Variants in MAP4K2 observed in about 807,000 individuals in gnomAD.
The protein encoded by MAP4K2 is mitogen-activated protein kinase kinase kinase kinase 2.
MAP4K2 carries 85 observed loss-of-function variants against 125.3 expected under a neutral mutation model. The observed-to-expected ratio is 0.68, with a 90% CI of 0.57 to 0.81. The LOEUF (loss-of-function observed/expected upper bound fraction) is 0.81. Among genes scored for constraint, MAP4K2 ranks in the 40% least tolerant of loss-of-function variants. The probability of loss-of-function intolerance (pLI) is 0.00; values close to 1 mark genes in which losing one functional copy is unlikely to be tolerated. For missense variants in MAP4K2, 923 were observed against 1,056.4 expected (o/e 0.87, Z 1.75); for synonymous variants, 479 against 445.1 (o/e 1.08, Z -0.96).
chr11:64,786,726 T>C lies in MAP4K2; in HGVS notation c.*2811A>G, dbSNP rs1280920934. Reference sequence around the variant, plus strand: ...CATTAATGCTGCTTCCAGGAACTTATCTTCTAGAAGTGCTTGAATATGTAC... The same window carrying C: ...CATTAATGCTGCTTCCAGGAACTTACCTTCTAGAAGTGCTTGAATATGTAC... On this transcript the variant is annotated 3_prime_UTR_variant, in exon 32 of 32. Coordinates refer to ENST00000294066, the MANE Select transcript of MAP4K2 (RefSeq NM_004579.5). 1 of 152,194 alleles carries C rather than the reference T, an allele frequency of 6.6e-6. No individual in the cohort carries two copies. The highest frequency in any genetic ancestry group is 2.4e-5 in the African/African-American group (1 of 41,450). 9.4% of individuals were successfully genotyped at this position (152,194 alleles called of 1,614,324 possible).
At position 64,800,304 on chromosome 11, in the gene MAP4K2, C is replaced by T. The variant is rs762260363; in HGVS notation, c.807+7G>A. On this transcript the variant is annotated splice_region_variant and intron_variant, in intron 11 of 31. Transcript: ENST00000294066. ...CTGGGCCTCTCTCCCGGCCCCCTGC[C>T]TCCCACCTGCAGGAGCTTCTCTGCT... 1.2e-6 allele frequency: 2 copies of T among 1,613,996 alleles called. No homozygotes were observed. Among genetic ancestry groups the T allele is most frequent in the South Asian group, 1.1e-5 (1 of 91,090 alleles).
In MAP4K2 at chr11:64,803,079, GC is replaced by G; in HGVS notation, c.70del (p.Ala24ProfsTer21). On this transcript the variant is annotated frameshift_variant, in exon 1 of 32. Transcript: ENST00000294066. LOFTEE classifies it high-confidence loss of function. ...DRFELLQRVG[A>X]GTYGDVYKAR... ...CTTGTAGACGTCGCCATAGGTCCCGGCCCCCACGCGCTGCAGCAGCTCGAAG... is the reference window on the plus strand; with the variant it reads ...CTTGTAGACGTCGCCATAGGTCCCGGCCCCACGCGCTGCAGCAGCTCGAAG... 1.9e-6 allele frequency: 3 copies of G among 1,602,298 alleles called. No homozygotes were observed. Among genetic ancestry groups the G allele is most frequent in the African/African-American group, 1.3e-5 (1 of 74,350 alleles).
At chr11:64,793,240 G>A (rs1173200690) in intron 24 of MAP4K2, among the ~76,000 whole-genome samples, 2 of 152,090 alleles carry the variant, frequency 1.3e-5, no homozygotes, top group Non-Finnish European at 2.9e-5. Context: ...AAGAAAAAAG[G>A]AATGAAGAAA....
At position 64,803,115 on chromosome 11, in the gene MAP4K2, G is replaced by A; in HGVS notation, c.35C>T (p.Pro12Leu). ...ALLRDVSLQD[P>L]RDRFELLQRV... ...CTGCAGCAGCTCGAAGCGGTCCCGC[G>A]GGTCCTGCAGCGACACATCCCGCAG... Residue 12 changes from proline (P) to leucine (L), a missense_variant, in exon 1 of 32, where the codon CCG becomes CTG. Transcript: ENST00000294066. 1 of 1,583,942 alleles carries A rather than the reference G, an allele frequency of 6.3e-7. No individual in the cohort carries two copies.
At chr11:64,801,445 T>C (rs1401721081) in intron 7 of MAP4K2, 134 bp downstream of exon 7, 3 of 1,066,892 alleles carry the variant, frequency 2.8e-6, no homozygotes, top group African/African-American at 1.6e-5. Flanking sequence ...GGGAGTACCG[T>C]TCCATCTTCT....
rs1175275978 is a variant in MAP4K2 at position 64,787,021 on chromosome 11, A to G, written c.*2516T>C. 7.3e-6 allele frequency: 1 copy of G among 136,600 alleles called. No homozygotes were observed. The highest frequency in any genetic ancestry group is 2.6e-5 in the African/African-American group (1 of 38,200). 8.5% of individuals were successfully genotyped at this position (136,600 alleles called of 1,614,324 possible). A position where few individuals can be genotyped will look rare whatever the true frequency, so the allele number is the denominator to read the frequency against. ...CATTCATATTCTCCAGGATATATAT[A>G]TATTTTTTTCTCTTTTTTTTTTTTT... On this transcript the variant is annotated 3_prime_UTR_variant, in exon 32 of 32. Transcript: ENST00000294066.
chr11:64,791,983 C>T lies in MAP4K2; in HGVS notation c.2018G>A (p.Gly673Glu). The T allele has an allele frequency of 6.2e-7, 1 of 1,602,302 alleles. No homozygotes were observed. The highest frequency in any genetic ancestry group is 8.5e-7 in the Non-Finnish European group (1 of 1,175,056). The change falls in exon 27 of 32, where the codon GGG becomes GAG. Residue 673 changes from glycine to glutamate, a missense_variant. By Grantham distance (98) the Gly-to-Glu change is moderately conservative. Coordinates refer to ENST00000294066, the MANE Select transcript of MAP4K2 (RefSeq NM_004579.5). ...ATGGAACAGGACGCGGCAGCCGGGCCCCTCAGGCCCCTCGGCCCCAACACA... is the reference window on the plus strand; with the variant it reads ...ATGGAACAGGACGCGGCAGCCGGGCTCCTCAGGCCCCTCGGCCCCAACACA... ...QVCVGAEGPE[G>E]PGCRVLFHVL...
Position 64,796,995 on chromosome 11 carries a change from G to T in MAP4K2, c.1394C>A (p.Thr465Asn). Residue 465 changes from threonine to asparagine, a missense_variant, in exon 20 of 32, where the codon ACT becomes AAT. Around this residue, in one of 2 missense-constraint regions of MAP4K2, gnomAD observed 833 missense variants for 911.4 expected, o/e 0.91. Transcript: ENST00000294066. The part of the protein sequence containing the change: ...ERSSCHGLPP[T>N]PKVHMGACFS... ...GCAAACACTTACATGCACCTTGGGAGTTGGGGGGAGCCCGTGGCAGGATGA... is the reference window on the plus strand; with the variant it reads ...GCAAACACTTACATGCACCTTGGGATTTGGGGGGAGCCCGTGGCAGGATGA... 1 of 1,613,974 alleles carries T rather than the reference G, an allele frequency of 6.2e-7. No homozygotes were observed.
At chr11:64,797,242 G>A (rs1438607469) in intron 18 of MAP4K2, 33 bp downstream of exon 18, 2 of 1,601,564 alleles carry the variant, frequency 1.2e-6, no homozygotes, top group South Asian at 2.2e-5. Context: ...CCACCCTGGG[G>A]CTGCCTCCTG....
At chr11:64,802,155 C>G (rs1214513837) in intron 4 of MAP4K2, 34 bp from the exon 5 acceptor site, 12 of 1,597,982 alleles carry the variant, frequency 7.5e-6, no homozygotes, top group Non-Finnish European at 1.0e-5. Context: ...GCTTGGGGGC[C>G]CGGGGGTCAT....
rs1940274389 is a variant in MAP4K2, at chr11:64,788,129, A to G, written c.*1408T>C. ...TCTGCTGGAGGGTGGCTGAGGGGAC[A>G]GTGTGACACCCTGGGAACCACTGAG... is the stretch of plus-strand genomic sequence containing the variant. On this transcript the variant is annotated 3_prime_UTR_variant, in exon 32 of 32. Coordinates refer to ENST00000294066, the MANE Select transcript of MAP4K2 (RefSeq NM_004579.5). 6.6e-6 allele frequency: 1 copy of G among 152,302 alleles called. No homozygotes were observed. The highest frequency in any genetic ancestry group is 6.5e-5 in the Admixed American group (1 of 15,288). 9.4% of individuals were successfully genotyped at this position (152,302 alleles called of 1,614,324 possible). A position where few individuals can be genotyped will look rare whatever the true frequency, so the allele number is the denominator to read the frequency against.
rs780821707 is a variant in MAP4K2, at chr11:64,799,675, G to A, written c.924C>T (p.Asp308=). ...SPEDCELETY[D]MFPDTIHSRG... ...GGGAGTGAATGGTGTCTGGAAACAT[G>A]TCATAGGTCTAAGGAAAAACAGAAA... The change falls in exon 13 of 32, where the codon GAC becomes GAT. Residue 308 remains aspartate (D), a synonymous_variant. Transcript: ENST00000294066. The A allele has an allele frequency of 5.9e-5, 95 of 1,613,670 alleles. 1 individual carries two copies. The Middle Eastern group carries it at 8.2e-4, about 14-fold the overall frequency.
At chr11:64,801,458 G>A in intron 7 of MAP4K2, 121 bp downstream of exon 7, 1 of 1,169,160 alleles carries the variant, frequency 8.6e-7, no homozygotes, top group Non-Finnish European at 1.2e-6. Context: ...CATCTTCTAA[G>A]CAGGGAAACT....
rs1420668212 is a variant in MAP4K2 at position 64,800,137 on chromosome 11, G to A, written c.887C>T (p.Thr296Ile). The change falls in exon 12 of 32, where the codon ACC (threonine) becomes ATC (isoleucine). Residue 296 changes from threonine (T) to isoleucine (I), a missense_variant. Physicochemically the swap from Thr to Ile is moderately conservative, Grantham distance 89 (BLOSUM62 -1). Coordinates refer to ENST00000294066, the MANE Select transcript of MAP4K2 (RefSeq NM_004579.5). ...CAGCTCACAGTCCTCAGGGGAGGGG[G>A]TCCCCAGATGAGGGTCACTGGCTTT... is the stretch of plus-strand genomic sequence containing the variant. ...LDKASDPHLGTPSPEDCELET... is the reference protein window; with the variant it reads ...LDKASDPHLGIPSPEDCELET... 5 of 1,611,498 alleles carry A rather than the reference G, an allele frequency of 3.1e-6. No homozygotes were observed. Among genetic ancestry groups the A allele is most frequent in the Non-Finnish European group, 4.2e-6 (5 of 1,179,172 alleles).
Position 64,789,417 on chromosome 11 carries a change from T to C in MAP4K2, c.*120A>G, listed in dbSNP as rs916497259. On this transcript the variant is annotated 3_prime_UTR_variant, in exon 32 of 32. Coordinates refer to ENST00000294066, the MANE Select transcript of MAP4K2 (RefSeq NM_004579.5). ...ACATTTCTCAGGATTACTTCTGACCTTCAGCCCCAGCAGGGCCAGGGCCTG... is the reference window on the plus strand; with the variant it reads ...ACATTTCTCAGGATTACTTCTGACCCTCAGCCCCAGCAGGGCCAGGGCCTG... The C allele has an allele frequency of 3.5e-6, 3 of 865,646 alleles. No homozygotes were observed. Among genetic ancestry groups the C allele is most frequent in the Non-Finnish European group, 5.5e-6 (3 of 549,586 alleles). The allele number at this position is 865,646 out of a possible 1,614,324, so 53.6% of individuals were successfully genotyped here. A position where few individuals can be genotyped will look rare whatever the true frequency, so the allele number is the denominator to read the frequency against.
intron 10 of MAP4K2, 121 bp from the exon 11 acceptor site, chr11:64,800,513 C>G: frequency 8.2e-7 from 1 of 1,219,278 alleles, no homozygotes. Context: ...AGGAGCCAGC[C>G]GAGGCCAAGG....
intron 15 of MAP4K2, among the ~76,000 whole-genome samples, chr11:64,798,269 G>A (rs1291806666): frequency 3.9e-5 from 6 of 152,108 alleles, no homozygotes; most frequent in South Asian, 2.1e-4. Context: ...GGGTTCAAGC[G>A]ATTCTCCTGT....
chr11:64,802,544 G>A lies in MAP4K2; in HGVS notation c.245+19C>T, dbSNP rs920708194. On this transcript the variant is annotated intron_variant, in intron 3 of 31. Coordinates refer to ENST00000294066, the MANE Select transcript of MAP4K2 (RefSeq NM_004579.5). ...TCACATGGGGGCTGCCTGGGGCCAG[G>A]AGGATAAGGCAGCCTCACCTGAGGT... The A allele has an allele frequency of 1.3e-6, 2 of 1,593,494 alleles. No individual in the cohort carries two copies. Among genetic ancestry groups the A allele is most frequent in the Non-Finnish European group, 1.7e-6 (2 of 1,169,768 alleles).
rs1319730200 is a variant in MAP4K2, at chr11:64,791,921, G to A, written c.2080C>T (p.Leu694Phe). The A allele has an allele frequency of 6.3e-7, 1 of 1,593,232 alleles. No homozygotes were observed. Among genetic ancestry groups the A allele is most frequent in the South Asian group, 1.1e-5 (1 of 88,314 alleles). The stretch of plus-strand genomic sequence containing the variant: ...CCCTTCTGCTCACCAGGTGGGATGA[G>A]GATGTCGGGCGTCAGGCCAGCCTCC... ...PLEAGLTPDILIPPEGIPGSA... is the reference protein window; with the variant it reads ...PLEAGLTPDIFIPPEGIPGSA... The change falls in exon 27 of 32, where the codon CTC becomes TTC. Residue 694 changes from leucine (L) to phenylalanine (F), a missense_variant. Physicochemically the swap from Leu to Phe is conservative, Grantham distance 22 (BLOSUM62 0). Coordinates refer to ENST00000294066, the MANE Select transcript of MAP4K2 (RefSeq NM_004579.5).
Sources: allele counts gnomAD v4.1 joint callset (sites outside exome capture counted in the v4.1 genomes callset), GRCh38; gene constraint gnomAD v4.1.1; regional missense constraint gnomAD v4.1.1; transcripts MANE v1.5; gene names NCBI Gene and HGNC (gene_info 2026-07-23, HGNC 2026-07-21).